ARHGEF40: variants seen among roughly 807,000 people sequenced by gnomAD.
ARHGEF40 encodes Rho guanine nucleotide exchange factor (GEF) 40.
In ARHGEF40, 98 loss-of-function variants were observed where a neutral mutation model predicts 165.9. The observed-to-expected ratio is 0.59, with a 90% CI of 0.50 to 0.70. The LOEUF is 0.70. Ranked by LOEUF, ARHGEF40 falls within the 30% of genes least tolerant of loss-of-function variation. ARHGEF40 has a pLI of 0.00. For missense variants in ARHGEF40, 1,815 were observed against 1,968.0 expected (o/e 0.92, Z 1.47); for synonymous variants, 792 against 814.3 (o/e 0.97, Z 0.47).
intron 10 of ARHGEF40, 54 bp downstream of exon 10, chr14:21,078,542 T>C: frequency 6.7e-7 from 1 of 1,500,556 alleles, no homozygotes; most frequent in Non-Finnish European, 9.0e-7. Flanking sequence ...GAGACACAGC[T>C]GAAGGCTGCC....
rs567594324 is a variant in ARHGEF40 at position 21,083,729 on chromosome 14, T to G, written c.3574-106T>G. On this transcript the variant is annotated intron_variant, in intron 16 of 23. Transcript: ENST00000298694. ...TACTTTAGGGAGCATCTGGGCTTCA[T>G]CTATACCCAAAAGCCTAGGGTATCA... The G allele has an allele frequency of 4.8e-6, 5 of 1,032,294 alleles. No homozygotes were observed. The East Asian group carries it at 7.8e-5, about 16-fold the overall frequency. The allele number at this position is 1,032,294 out of a possible 1,614,324, so 63.9% of individuals were successfully genotyped here. A position where few individuals can be genotyped will look rare whatever the true frequency, so the allele number is the denominator to read the frequency against.
At chr14:21,087,507 G>T (rs374871179) in intron 21 of ARHGEF40, 44 bp downstream of exon 21, 4 of 1,592,132 alleles carry the variant, frequency 2.5e-6, no homozygotes, top group East Asian at 2.2e-5. Flanking sequence ...CTCGGTCATG[G>T]TGGTGATGTT....
Position 21,083,868 on chromosome 14 carries a change from G to A in ARHGEF40, c.3607G>A (p.Ala1203Thr). Reference sequence around the variant, plus strand: ...GGAGGCTGGCCCTTACCTGCCCCGAGCCCTGCAGCAGCCTCTGGAACAGCT... The same window carrying A: ...GGAGGCTGGCCCTTACCTGCCCCGAACCCTGCAGCAGCCTCTGGAACAGCT... Reference protein sequence around the residue: ...SMEAGPYLPRALQQPLEQLTR... With the variant: ...SMEAGPYLPRTLQQPLEQLTR... Residue 1203 changes from alanine (A) to threonine (T), a missense_variant, in exon 17 of 24, where the codon GCC becomes ACC. Physicochemically the swap from Ala to Thr is moderately conservative, Grantham distance 58. Coordinates refer to ENST00000298694, the MANE Select transcript of ARHGEF40 (RefSeq NM_018071.5). 6.2e-7 allele frequency: 1 copy of A among 1,613,890 alleles called. No homozygotes were observed. Among genetic ancestry groups the A allele is most frequent in the African/African-American group, 1.3e-5 (1 of 75,016 alleles).
Position 21,070,359 on chromosome 14 carries a change from C to T in ARHGEF40, c.-38C>T, listed in dbSNP as rs1465852940. 19 of 1,409,460 alleles carry T rather than the reference C, an allele frequency of 1.3e-5. No homozygotes were observed. The highest frequency in any genetic ancestry group is 1.7e-5 in the Non-Finnish European group (18 of 1,088,034). 87.3% of individuals were successfully genotyped at this position (1,409,460 alleles called of 1,614,324 possible). A position where few individuals can be genotyped will look rare whatever the true frequency, so the allele number is the denominator to read the frequency against. ...AGGCGGTGGCGCGCCCGGCCCCGCC[C>T]GCCCGACCAAGCGTCGGACGCGGCC... On this transcript the variant is annotated 5_prime_UTR_variant, in exon 1 of 24. Transcript: ENST00000298694. The surrounding 1 kb of genome is among the most constrained non-coding windows in gnomAD (Gnocchi z 4.7).
Position 21,070,446 on chromosome 14 carries a change from G to T in ARHGEF40, c.3+47G>T, listed in dbSNP as rs1025811807. The T allele has an allele frequency of 2.9e-6, 4 of 1,360,652 alleles. No individual in the cohort carries two copies. The African/African-American group carries it at 6.1e-5, about 21-fold the overall frequency. 84.3% of individuals were successfully genotyped at this position (1,360,652 alleles called of 1,614,324 possible). A position where few individuals can be genotyped will look rare whatever the true frequency, so the allele number is the denominator to read the frequency against. On this transcript the variant is annotated intron_variant, in intron 1 of 23. Coordinates refer to ENST00000298694, the MANE Select transcript of ARHGEF40 (RefSeq NM_018071.5). The surrounding 1 kb of genome is among the most constrained non-coding windows in gnomAD (Gnocchi z 4.7). Reference sequence around the variant, plus strand: ...CCTGGGTCCCCTCGGCCTTCGCGCAGCCCGCTCCGGGCCCCCAAGTCCTCA... The same window carrying T: ...CCTGGGTCCCCTCGGCCTTCGCGCATCCCGCTCCGGGCCCCCAAGTCCTCA...
intron 15 of ARHGEF40, 25 bp from the exon 16 acceptor site, chr14:21,082,806 C>T (rs368661048): frequency 6.2e-7 from 1 of 1,611,902 alleles, no homozygotes. Context: ...ACCGGGGACT[C>T]CTTATCTGTT....
In ARHGEF40 at chr14:21,087,393, G is replaced by T. The variant is rs745583801; in HGVS notation, c.4317G>T (p.Pro1439=). The change falls in exon 21 of 24, where the codon CCG becomes CCT. Residue 1439 remains proline (P), a synonymous_variant. Coordinates refer to ENST00000298694, the MANE Select transcript of ARHGEF40 (RefSeq NM_018071.5). ...GCCCCTCCCTTCCCGGCCTTTCGCC[G>T]GGAGCCTGCTCCCTGCCTGCCCGCG... ...HAGPSLPGLS[P]GACSLPARVE... is the part of the protein sequence containing the mutation. 6.9e-6 allele frequency: 11 copies of T among 1,603,088 alleles called. No individual in the cohort carries two copies. The highest frequency in any genetic ancestry group is 1.3e-5 in the African/African-American group (1 of 75,036).
intron 19 of ARHGEF40, chr14:21,086,162 G>C: frequency 2.9e-6 from 1 of 340,310 alleles, no homozygotes; most frequent in South Asian, 3.1e-5. Context: ...AGGATTGTTT[G>C]AGGCCAGGTG....
rs1887225892 is a variant in ARHGEF40, at chr14:21,074,399, T to C, written c.669T>C (p.Gly223=). ...PSPPLPEEAL[G]TRSPGDGHNA... ...CTCCACTTCCTGAGGAGGCGCTGGG[T>C]ACCCGGAGTCCTGGGGATGGGCACA... Residue 223 remains glycine (G), a synonymous_variant, in exon 3 of 24, where the codon GGT becomes GGC. Coordinates refer to ENST00000298694, the MANE Select transcript of ARHGEF40 (RefSeq NM_018071.5). This position sits in a 1 kb window ranked among gnomAD's most constrained non-coding sequence, Gnocchi z 4.8. 9 of 1,612,760 alleles carry C rather than the reference T, an allele frequency of 5.6e-6. No individual in the cohort carries two copies. Among genetic ancestry groups the C allele is most frequent in the Non-Finnish European group, 7.6e-6 (9 of 1,179,578 alleles).
chr14:21,074,970 C>G lies in ARHGEF40; in HGVS notation c.1240C>G (p.Leu414Val). The part of the protein sequence containing the change: ...DKEDASHQEA[L>V]GNLPSPSEHK... ...GGAAGATGCCAGCCACCAAGAAGCC[C>G]TTGGCAATCTGCCCTCACCAAGTGA... The change falls in exon 3 of 24, where the codon CTT becomes GTT. Residue 414 changes from leucine to valine, a missense_variant. By Grantham distance (32) the Leu-to-Val change is conservative (BLOSUM62 1). Coordinates refer to ENST00000298694, the MANE Select transcript of ARHGEF40 (RefSeq NM_018071.5). This position sits in a 1 kb window ranked among gnomAD's most constrained non-coding sequence, Gnocchi z 4.8. 6.2e-7 allele frequency: 1 copy of G among 1,611,268 alleles called. No individual in the cohort carries two copies. Among genetic ancestry groups the G allele is most frequent in the Non-Finnish European group, 8.5e-7 (1 of 1,179,106 alleles).
the ARHGEF40 span, among the ~76,000 whole-genome samples, chr14:21,063,565 C>A: frequency 6.6e-5 from 10 of 152,192 alleles, no homozygotes; most frequent in East Asian, 1.7e-3. Context: ...GAACTAGAGA[C>A]AAAGTTTTAT....
upstream of ARHGEF40, among the ~76,000 whole-genome samples, chr14:21,067,981 T>C (rs1314704639): frequency 1.6e-3 from 4 of 2,578 alleles, 1 homozygote; most frequent in African/African-American, 0.014. Flanking sequence ...GTGGCTCCCC[T>C]TTTTTTTTTT....
intron 8 of ARHGEF40, 84 bp from the exon 9 acceptor site, chr14:21,078,093 C>T (rs1435126242): frequency 7.9e-7 from 1 of 1,259,246 alleles, no homozygotes; most frequent in African/African-American, 1.5e-5. Flanking sequence ...ATAAAAGTCT[C>T]TGGGGCTACC....
intron 8 of ARHGEF40, among the ~76,000 whole-genome samples, chr14:21,077,131 GTC>G (rs1887489808): frequency 6.6e-6 from 1 of 152,024 alleles, no homozygotes; most frequent in Non-Finnish European, 1.5e-5. Flanking sequence ...TTTTTAGACA[GTC>G]TCACTCTGTC....
chr14:21,063,736 T>C, the ARHGEF40 span, among the ~76,000 whole-genome samples: 1 of 152,236 alleles, frequency 6.6e-6, no homozygotes, highest in African/African-American at 2.4e-5. Flanking sequence ...TTAATAAATG[T>C]TCATTTAACA....
Position 21,074,113 on chromosome 14 carries a change from G to C in ARHGEF40, c.383G>C (p.Gly128Ala), listed in dbSNP as rs1333166551. ...GCACTCAAGTGTCTGGCCCCTGGGG[G>C]TGGGCGGGTGCAGGAGGTTCCTGTG... ...RLALKCLAPG[G>A]GRVQEVPVPN... Residue 128 changes from glycine to alanine, a missense_variant, in exon 3 of 24, where the codon GGT (glycine) becomes GCT (alanine). By Grantham distance (60) the Gly-to-Ala change is moderately conservative. Coordinates refer to ENST00000298694, the MANE Select transcript of ARHGEF40 (RefSeq NM_018071.5). This position sits in a 1 kb window ranked among gnomAD's most constrained non-coding sequence, Gnocchi z 4.8. The C allele has an allele frequency of 6.2e-7, 1 of 1,614,138 alleles. No homozygotes were observed.
At chr14:21,081,442 G>A in intron 13 of ARHGEF40, 67 bp from the exon 14 acceptor site, 4 of 1,567,882 alleles carry the variant, frequency 2.6e-6, no homozygotes, top group Non-Finnish European at 2.6e-6. Flanking sequence ...CTGTCACTGG[G>A]CATCCTTCGT....
rs770632052 is a variant in ARHGEF40, at chr14:21,073,118, C to T, written c.77C>T (p.Pro26Leu). 4 of 1,614,178 alleles carry T rather than the reference C, an allele frequency of 2.5e-6. No homozygotes were observed. The highest frequency in any genetic ancestry group is 1.7e-6 in the Non-Finnish European group (2 of 1,180,018). The part of the protein sequence containing the change: ...ALYPPFEATA[P>L]TLLGQVFQVV... ...TATCCACCCTTTGAGGCAACAGCCC[C>T]CACCCTGTTGGGCCAGGTGTTCCAG... The change falls in exon 2 of 24, where the codon CCC (proline) becomes CTC (leucine). Residue 26 changes from proline to leucine, a missense_variant. Physicochemically the swap from Pro to Leu is moderately conservative, Grantham distance 98. Coordinates refer to ENST00000298694, the MANE Select transcript of ARHGEF40 (RefSeq NM_018071.5). The surrounding 1 kb of genome is among the most constrained non-coding windows in gnomAD (Gnocchi z 4.6).
chr14:21,074,605 A>C lies in ARHGEF40; in HGVS notation c.875A>C (p.Gln292Pro), dbSNP rs1204798486. 6.4e-7 allele frequency: 1 copy of C among 1,569,986 alleles called. No homozygotes were observed. The highest frequency in any genetic ancestry group is 1.9e-5 in the Admixed American group (1 of 52,128). Residue 292 changes from glutamine to proline, a missense_variant, in exon 3 of 24, where the codon CAG becomes CCG. By Grantham distance (76) the Gln-to-Pro change is moderately conservative. Transcript: ENST00000298694. The surrounding 1 kb of genome is among the most constrained non-coding windows in gnomAD (Gnocchi z 4.8). ...RHRRHRAWMHQKGLGPRGQDG... is the reference protein window; with the variant it reads ...RHRRHRAWMHPKGLGPRGQDG... ...CGGAGACACCGGGCGTGGATGCACC[A>C]GAAGGGCCTGGGGCCTCGGGGCCAG... is the stretch of plus-strand genomic sequence containing the variant.
Sources: allele counts gnomAD v4.1 joint callset (sites outside exome capture counted in the v4.1 genomes callset), GRCh38; gene constraint gnomAD v4.1.1; non-coding constraint Gnocchi (gnomAD v3.1); transcripts MANE v1.5; gene names NCBI Gene and HGNC (gene_info 2026-07-23, HGNC 2026-07-21).